The following CNTN3 variants were observed in gnomAD, a reference collection of about 807,000 sequenced individuals.
The protein encoded by CNTN3 is contactin 3.
Under a neutral mutation model 119.1 loss-of-function variants are expected in CNTN3, and 60 were observed. The ratio of observed to expected loss-of-function variants is 0.50; its 90% CI spans 0.41 to 0.62. The LOEUF (loss-of-function observed/expected upper bound fraction) is 0.62. CNTN3 is among the 20% of genes least tolerant of loss of function. CNTN3 has a pLI of 0.00. For missense variants in CNTN3, 1,101 were observed against 1,242.4 expected (o/e 0.89, Z 1.71); for synonymous variants, 450 against 438.7 (o/e 1.03, Z -0.32).
At chr3:74,588,058 G>T (rs1306949808) in intron 1 of CNTN3, among the ~76,000 whole-genome samples, 3 of 152,060 alleles carry the variant, frequency 2.0e-5, no homozygotes, top group Non-Finnish European at 2.9e-5. Context: ...CAATCATGTG[G>T]TTTTTGTCTT....
At chr3:74,432,919 T>C (rs978920897) in intron 4 of CNTN3, among the ~76,000 whole-genome samples, 4 of 152,170 alleles carry the variant, frequency 2.6e-5, no homozygotes, top group African/African-American at 9.7e-5. Flanking sequence ...TTTATCCTTA[T>C]GAAAAATAAT....
At chr3:74,346,325 A>G (rs1457940404) in intron 11 of CNTN3, among the ~76,000 whole-genome samples, 1 of 152,064 alleles carries the variant, frequency 6.6e-6, no homozygotes, top group Admixed American at 6.5e-5. Context: ...TGAATGTAAA[A>G]GGTTAGAAAA....
intron 3 of CNTN3, among the ~76,000 whole-genome samples, chr3:74,499,304 G>C (rs1361952434): frequency 1.3e-5 from 2 of 151,862 alleles, no homozygotes; most frequent in Non-Finnish European, 2.9e-5. Context: ...GCACACAGAA[G>C]TATTTGTTTA....
chr3:74,387,913 A>G (rs761657170), intron 5 of CNTN3, among the ~76,000 whole-genome samples: 1 of 152,232 alleles, frequency 6.6e-6, no homozygotes, highest in African/African-American at 2.4e-5. Context: ...CTTAATTTAT[A>G]TTTAACATTC....
intron 13 of CNTN3, among the ~76,000 whole-genome samples, chr3:74,305,038 C>A (rs1032225959): frequency 6.6e-6 from 1 of 152,142 alleles, no homozygotes; most frequent in Non-Finnish European, 1.5e-5. Flanking sequence ...TTAACAAAAG[C>A]GCATCCATTG....
In CNTN3 at chr3:74,614,538, C is replaced by T. The variant is rs1705141475; in HGVS notation, c.-228G>A. Among the ~76,000 whole-genome samples, 1 of 147,326 alleles carries T rather than the reference C, an allele frequency of 6.8e-6. No individual in the cohort carries two copies. Among genetic ancestry groups the T allele is most frequent in the South Asian group, 2.1e-4 (1 of 4,802 alleles). ...CCGCGTAAGCCGCCGCCGCCGCAGG[C>T]GCAGCACCCTCGTCCGCACGGTTCC... On this transcript the variant is annotated 5_prime_UTR_variant, in exon 1 of 23. Coordinates refer to ENST00000263665, the MANE Select transcript of CNTN3 (RefSeq NM_020872.3).
At chr3:74,537,274 C>T (rs1221950845) in intron 1 of CNTN3, among the ~76,000 whole-genome samples, 1 of 152,090 alleles carries the variant, frequency 6.6e-6, no homozygotes, top group African/African-American at 2.4e-5. Flanking sequence ...AGCAGACACT[C>T]AAAACAATAT....
At chr3:74,598,661 T>A (rs1415465581) in intron 1 of CNTN3, among the ~76,000 whole-genome samples, 1 of 152,018 alleles carries the variant, frequency 6.6e-6, no homozygotes, top group Non-Finnish European at 1.5e-5. Context: ...AAATTCATAC[T>A]AATTCTATAA....
chr3:74,573,284 CTTTCT>C lies in CNTN3; in HGVS notation c.-81+41102_-81+41106del, dbSNP rs372402000. Among the ~76,000 whole-genome samples, 40 of 151,736 alleles carry C rather than the reference CTTTCT, an allele frequency of 2.6e-4. No individual in the cohort carries two copies. The East Asian group carries it at 7.6e-3, about 29-fold the overall frequency. On this transcript the variant is annotated intron_variant, in intron 1 of 22. Transcript: ENST00000263665. Reference sequence around the variant, plus strand: ...TCCGAGGGTGCACAATTGAAGAGTGCTTTCTTTTTTTTTTTTTAGCCTGTCCCATC... The same window carrying C: ...TCCGAGGGTGCACAATTGAAGAGTGCTTTTTTTTTTTTAGCCTGTCCCATC...
intron 2 of CNTN3, among the ~76,000 whole-genome samples, chr3:74,509,499 T>A (rs62268704): frequency 6.6e-6 from 1 of 151,918 alleles, no homozygotes; most frequent in African/African-American, 2.4e-5. Flanking sequence ...GGTTTCGCCA[T>A]GTTGGCCAGG....
intron 11 of CNTN3, among the ~76,000 whole-genome samples, chr3:74,337,176 C>T (rs1210673601): frequency 1.3e-5 from 2 of 152,056 alleles, no homozygotes; most frequent in African/African-American, 4.8e-5. Context: ...TTTGGGTGGT[C>T]CCCTGTGAGC....
At chr3:74,460,321 T>G (rs560824950) in intron 4 of CNTN3, among the ~76,000 whole-genome samples, 1 of 152,048 alleles carries the variant, frequency 6.6e-6, no homozygotes, top group Admixed American at 6.6e-5. Flanking sequence ...CACAAAGACC[T>G]CCCTGGGATT....
At chr3:74,489,583 TTTTTTAGATTTTTTCCCCTAGTTTCCTA>T (rs1248368722) in intron 3 of CNTN3, among the ~76,000 whole-genome samples, 5 of 152,046 alleles carry the variant, frequency 3.3e-5, no homozygotes, top group African/African-American at 1.2e-4. Flanking sequence ...GAAGCTCACA[TTTTTTAGATTTTTTCCCCTAGTTTCCTA>T]GTTTCTGTTC....
rs116358092 is a variant in CNTN3 at position 74,529,006 on chromosome 3, G to T, written c.-80-7814C>A. On this transcript the variant is annotated intron_variant, in intron 1 of 22. Coordinates refer to ENST00000263665, the MANE Select transcript of CNTN3 (RefSeq NM_020872.3). ...AAACACTGTGTGAAAAAGAAATATG[G>T]GTATTTTTGTCTCCATATTTGCTGT... is the stretch of plus-strand genomic sequence containing the variant. Among the ~76,000 whole-genome samples, 849 of 151,676 alleles carry T rather than the reference G, an allele frequency of 5.6e-3. 6 individuals carry two copies. The highest frequency in any genetic ancestry group is 9.3e-3 in the Non-Finnish European group (629 of 67,818).
At chr3:74,423,867 G>A (rs1055240748) in intron 5 of CNTN3, among the ~76,000 whole-genome samples, 2 of 152,194 alleles carry the variant, frequency 1.3e-5, no homozygotes, top group Non-Finnish European at 2.9e-5. Flanking sequence ...GAAGATGGGA[G>A]ATATCTGTTT....
At chr3:74,335,000 G>A in intron 12 of CNTN3, 90 bp from the exon 13 acceptor site, 1 of 895,382 alleles carries the variant, frequency 1.1e-6, no homozygotes, top group Non-Finnish European at 1.7e-6. Flanking sequence ...CTTATACTGT[G>A]TATGTCTGTA....
chr3:74,340,571 C>T (rs541298), intron 11 of CNTN3, among the ~76,000 whole-genome samples: 10 of 151,826 alleles, frequency 6.6e-5, no homozygotes, highest in East Asian at 3.9e-4. Context: ...AGTGTTGCTC[C>T]GGAAATTTTA....
chr3:74,371,924 C>A (rs1192376782), intron 5 of CNTN3, among the ~76,000 whole-genome samples: 1 of 152,096 alleles, frequency 6.6e-6, no homozygotes, highest in African/African-American at 2.4e-5. Flanking sequence ...CCTACAACTC[C>A]TGTTGTCTCT....
At chr3:74,465,611 A>G (rs1389966041) in intron 4 of CNTN3, among the ~76,000 whole-genome samples, 4 of 152,296 alleles carry the variant, frequency 2.6e-5, no homozygotes, top group East Asian at 1.9e-4. Flanking sequence ...CACACAAAAA[A>G]ATGCATTTCT....
Sources: allele counts gnomAD v4.1 joint callset (sites outside exome capture counted in the v4.1 genomes callset), GRCh38; gene constraint gnomAD v4.1.1; transcripts MANE v1.5; gene names NCBI Gene and HGNC (gene_info 2026-07-23, HGNC 2026-07-21).